CRPPA: variants seen among roughly 807,000 people sequenced by gnomAD.
CRPPA encodes CDP-L-ribitol pyrophosphorylase A.
In CRPPA, 43 loss-of-function variants were observed where a neutral mutation model predicts 52.0. The ratio of observed to expected loss-of-function variants is 0.83; its 90% CI spans 0.65 to 1.07. CRPPA has a LOEUF of 1.07. CRPPA is among the 50% of genes least tolerant of loss of function. The probability of loss-of-function intolerance (pLI) is 0.00; values close to 1 mark genes in which losing one functional copy is unlikely to be tolerated. For missense variants in CRPPA, 629 were observed against 551.7 expected (o/e 1.14, Z -1.40); for synonymous variants, 250 against 203.5 (o/e 1.23, Z -1.94).
chr7:16,389,360 G>T (rs1787377465), intron 2 of CRPPA, among the ~76,000 whole-genome samples: 1 of 151,936 alleles, frequency 6.6e-6, no homozygotes, highest in African/African-American at 2.4e-5. Flanking sequence ...TTCTCAACAA[G>T]ATACCTACAA....
At position 16,264,095 on chromosome 7, in the gene CRPPA, C is replaced by A. The variant is rs533321422; in HGVS notation, c.934-5083G>T. ...CCAACCAGAAAACAATCAGTATTTT[C>A]CATGCTTGAGTAAAGAAACTTAGAT... On this transcript the variant is annotated intron_variant, in intron 6 of 9. Transcript: ENST00000407010. 1.5e-4 allele frequency among the ~76,000 whole-genome samples: 23 copies of A among 152,194 alleles called. No individual in the cohort carries two copies. The East Asian group carries it at 4.1e-3, about 27-fold the overall frequency.
chr7:16,104,049 C>A (rs1782101084), intron 9 of CRPPA, among the ~76,000 whole-genome samples: 2 of 151,854 alleles, frequency 1.3e-5, no homozygotes, highest in South Asian at 4.1e-4. Flanking sequence ...TTAAAAAGAC[C>A]CCTGGTTAAT....
chr7:16,225,263 A>T (rs1193386095), intron 8 of CRPPA, among the ~76,000 whole-genome samples: 1 of 151,986 alleles, frequency 6.6e-6, no homozygotes, highest in Non-Finnish European at 1.5e-5. Context: ...TAATAGGAAA[A>T]CCTAACTTCA....
chr7:16,252,306 T>G (rs1269740377), intron 8 of CRPPA, among the ~76,000 whole-genome samples: 1 of 152,158 alleles, frequency 6.6e-6, no homozygotes, highest in Non-Finnish European at 1.5e-5. Context: ...AAAAATCACA[T>G]GATTGTCTCA....
chr7:16,110,764 C>G (rs902167498), intron 9 of CRPPA, among the ~76,000 whole-genome samples: 1 of 151,928 alleles, frequency 6.6e-6, no homozygotes, highest in Non-Finnish European at 1.5e-5. Context: ...TGAAATTGGG[C>G]CCTAATCTCA....
chr7:16,373,440 T>A (rs1254588847), intron 3 of CRPPA, among the ~76,000 whole-genome samples: 2 of 152,214 alleles, frequency 1.3e-5, no homozygotes, highest in East Asian at 3.8e-4. Flanking sequence ...ATATACTTGG[T>A]GTTAGTAATA....
At chr7:16,124,886 C>A (rs1470735853) in intron 9 of CRPPA, among the ~76,000 whole-genome samples, 1 of 151,794 alleles carries the variant, frequency 6.6e-6, no homozygotes, top group South Asian at 2.1e-4. Context: ...TATATATAAT[C>A]TCCTATTTTC....
chr7:16,287,463 C>T (rs574424387), intron 5 of CRPPA, among the ~76,000 whole-genome samples: 2 of 152,276 alleles, frequency 1.3e-5, no homozygotes, highest in Admixed American at 1.3e-4. Flanking sequence ...TCATGAGTAA[C>T]ACACATTGTT....
intron 3 of CRPPA, among the ~76,000 whole-genome samples, chr7:16,327,012 C>T (rs79379811): frequency 1.3e-5 from 2 of 152,130 alleles, no homozygotes; most frequent in Admixed American, 1.3e-4. Flanking sequence ...CATGTTAGAA[C>T]AGTGAAAATT....
At chr7:16,195,858 A>G (rs963259637) in intron 9 of CRPPA, among the ~76,000 whole-genome samples, 1 of 152,082 alleles carries the variant, frequency 6.6e-6, no homozygotes, top group Non-Finnish European at 1.5e-5. Context: ...TCCAAGCACA[A>G]CCAGGCCAGA....
intron 3 of CRPPA, among the ~76,000 whole-genome samples, chr7:16,338,501 G>C (rs909515757): frequency 2.2e-5 from 3 of 136,192 alleles, no homozygotes; most frequent in African/African-American, 8.5e-5. Context: ...CACTCTCATT[G>C]CTTCCTTTCA....
At chr7:16,326,780 T>C (rs749258072) in intron 3 of CRPPA, among the ~76,000 whole-genome samples, 1 of 152,174 alleles carries the variant, frequency 6.6e-6, no homozygotes, top group Non-Finnish European at 1.5e-5. Context: ...AGAGACCAAA[T>C]GTTCTCTCTT....
At chr7:16,394,801 C>G (rs1787529470) in intron 2 of CRPPA, among the ~76,000 whole-genome samples, 1 of 152,052 alleles carries the variant, frequency 6.6e-6, no homozygotes, top group South Asian at 2.1e-4. Context: ...TGACAAAAAG[C>G]TTCAGGCATC....
Position 16,089,469 on chromosome 7 carries a change from G to T in CRPPA, c.*2226C>A, listed in dbSNP as rs1471237715. 6.3e-6 allele frequency: 2 copies of T among 315,656 alleles called. No individual in the cohort carries two copies. The highest frequency in any genetic ancestry group is 1.4e-5 in the Non-Finnish European group (2 of 145,526). The allele number at this position is 315,656 out of a possible 1,614,324, so 19.6% of individuals were successfully genotyped here. A position where few individuals can be genotyped will look rare whatever the true frequency, so the allele number is the denominator to read the frequency against. On this transcript the variant is annotated 3_prime_UTR_variant, in exon 10 of 10. Coordinates refer to ENST00000407010, the MANE Select transcript of CRPPA (RefSeq NM_001101426.4). Reference sequence around the variant, plus strand: ...CGTGCATACATATATGTGTATATATGTACGTACATATATACGGGTATATAT... The same window carrying T: ...CGTGCATACATATATGTGTATATATTTACGTACATATATACGGGTATATAT...
chr7:16,182,324 T>A (rs1423906689), intron 9 of CRPPA, among the ~76,000 whole-genome samples: 1 of 151,942 alleles, frequency 6.6e-6, no homozygotes, highest in Non-Finnish European at 1.5e-5. Context: ...TATTAGGAAT[T>A]TGGGGAGGGC....
chr7:16,179,498 G>C (rs1781369506), intron 9 of CRPPA, among the ~76,000 whole-genome samples: 1 of 152,084 alleles, frequency 6.6e-6, no homozygotes, highest in East Asian at 1.9e-4. Context: ...AGATGGGTAA[G>C]AGAGAGAGGT....
chr7:16,288,677 T>G (rs1042140710), intron 5 of CRPPA, among the ~76,000 whole-genome samples: 10 of 151,388 alleles, frequency 6.6e-5, no homozygotes, highest in African/African-American at 2.4e-4. Flanking sequence ...GAGACCCCCA[T>G]CTCTGCTAAA....
At chr7:16,386,137 G>C (rs556387387) in intron 2 of CRPPA, among the ~76,000 whole-genome samples, 1 of 151,306 alleles carries the variant, frequency 6.6e-6, no homozygotes, top group Non-Finnish European at 1.5e-5. Flanking sequence ...AGGTGGTCTC[G>C]GTAGGATGGA....
intron 8 of CRPPA, among the ~76,000 whole-genome samples, chr7:16,234,173 T>C (rs1313827688): frequency 6.6e-6 from 1 of 152,152 alleles, no homozygotes; most frequent in Non-Finnish European, 1.5e-5. Flanking sequence ...TTACTTAATA[T>C]AGTAGCGATC....
Sources: allele counts gnomAD v4.1 joint callset (sites outside exome capture counted in the v4.1 genomes callset), GRCh38; gene constraint gnomAD v4.1.1; transcripts MANE v1.5; gene names NCBI Gene and HGNC (gene_info 2026-07-23, HGNC 2026-07-21).